The following JADE1 variants were observed in gnomAD, a reference collection of about 807,000 sequenced individuals.
JADE1 encodes jade family PHD finger 1.
Under a neutral mutation model 81.8 loss-of-function variants are expected in JADE1, and 14 were observed. The observed-to-expected ratio is 0.17, with a 90% CI of 0.11 to 0.27. The LOEUF is 0.27. Ranked by LOEUF, JADE1 falls within the 10% of genes least tolerant of loss-of-function variation. JADE1 has a pLI of 1.00. For missense variants in JADE1, 690 were observed against 1,047.9 expected, an observed-to-expected ratio of 0.66 and a Z score of 4.71; for synonymous variants, 353 against 391.9, an observed-to-expected ratio of 0.90 and a Z score of 1.17.
chr4:128,864,795 T>A (rs1333593923), intron 9 of JADE1: 2 of 178,076 alleles, frequency 1.1e-5, no homozygotes, highest in Non-Finnish European at 2.2e-5. Flanking sequence ...AACTGAGTAA[T>A]TATGGTGACT....
chr4:128,820,180 T>C lies in JADE1; in HGVS notation c.-27+10303T>C, dbSNP rs533718270. The stretch of plus-strand genomic sequence containing the variant: ...AGGTTGGAGTGCAGTGGCATGATCT[T>C]GGCTCACTGCAACCTCCATCTCCTG... On this transcript the variant is annotated intron_variant, in intron 1 of 10. Transcript: ENST00000226319. 1.9e-3 allele frequency among the ~76,000 whole-genome samples: 282 copies of C among 152,194 alleles called. 1 individual carries two copies. Among genetic ancestry groups the C allele is most frequent in the Non-Finnish European group, 3.2e-3 (215 of 67,996 alleles).
At chr4:128,831,427 C>T (rs1006194263) in intron 1 of JADE1, 15 of 326,846 alleles carry the variant, frequency 4.6e-5, no homozygotes, top group Non-Finnish European at 4.0e-5. Flanking sequence ...TGCTTGCTGC[C>T]AGTCAGCTAA....
rs1158035463 is a variant in JADE1 at position 128,874,971 on chromosome 4, T to C, written c.*2709T>C. On this transcript the variant is annotated 3_prime_UTR_variant, in exon 11 of 11. Transcript: ENST00000226319. Reference sequence around the variant, plus strand: ...ACCTTGTACAGAGGATTTTTCACTATGTGCCTAGCTTGGTGTCCATTCAGC... The same window carrying C: ...ACCTTGTACAGAGGATTTTTCACTACGTGCCTAGCTTGGTGTCCATTCAGC... 2.0e-5 allele frequency: 3 copies of C among 152,060 alleles called. No individual in the cohort carries two copies. Among genetic ancestry groups the C allele is most frequent in the African/African-American group, 7.3e-5 (3 of 41,222 alleles). 9.4% of individuals were successfully genotyped at this position (152,060 alleles called of 1,614,324 possible).
chr4:128,834,222 C>T (rs1728787268), intron 2 of JADE1, among the ~76,000 whole-genome samples: 2 of 152,312 alleles, frequency 1.3e-5, no homozygotes, highest in Middle Eastern at 3.4e-3. Context: ...TCTCACAGTT[C>T]TGGAGACTGG....
At chr4:128,813,089 G>A (rs1027556084) in intron 1 of JADE1, among the ~76,000 whole-genome samples, 7 of 152,202 alleles carry the variant, frequency 4.6e-5, no homozygotes, top group African/African-American at 1.7e-4. Context: ...AAGATAGAGG[G>A]AAATTATTTC....
intron 6 of JADE1, among the ~76,000 whole-genome samples, chr4:128,854,146 TGTTATCA>T (rs941968355): frequency 2.5e-4 from 38 of 152,280 alleles, no homozygotes; most frequent in African/African-American, 8.7e-4. Flanking sequence ...TCAACCCCTG[TGTTATCA>T]GTGAGTTAAC....
intron 1 of JADE1, among the ~76,000 whole-genome samples, chr4:128,822,830 T>A (rs1454979745): frequency 1.3e-5 from 2 of 152,244 alleles, no homozygotes; most frequent in East Asian, 1.9e-4. Context: ...ATGACCACTA[T>A]GAACATTTAT....
Position 128,872,310 on chromosome 4 carries a change from C to T in JADE1, c.*48C>T. ...CCCTTTGGGCTCGTCATTGGGTTTG[C>T]TAGAGGAGAGCTCTGATGTGGGGGA... is the stretch of plus-strand genomic sequence containing the variant. On this transcript the variant is annotated 3_prime_UTR_variant, in exon 11 of 11. Transcript: ENST00000226319. 6.5e-7 allele frequency: 1 copy of T among 1,536,144 alleles called. No individual in the cohort carries two copies. The highest frequency in any genetic ancestry group is 8.9e-7 in the Non-Finnish European group (1 of 1,121,550).
At position 128,873,273 on chromosome 4, in the gene JADE1, G is replaced by GAAAAAAAAAAAAAAAAAAAAAAAAAAAAA. The variant is rs1553953485; in HGVS notation, c.*1018_*1019insAAAAAAAAAAAAAAAAAAAAAAAAAAAAA. ...AGAAAAAGGAAAAAAAAAAAAAAAAGAAAAAAAGAAAAAAAAAAGAAAAAA... is the reference window on the plus strand; with the variant it reads ...AGAAAAAGGAAAAAAAAAAAAAAAAGAAAAAAAAAAAAAAAAAAAAAAAAAAAAAAAAAAAAGAAAAAAAAAAGAAAAAA... On this transcript the variant is annotated 3_prime_UTR_variant, in exon 11 of 11. Transcript: ENST00000226319. The GAAAAAAAAAAAAAAAAAAAAAAAAAAAAA allele has an allele frequency of 2.5e-5, 2 of 78,636 alleles. No homozygotes were observed. Among genetic ancestry groups the GAAAAAAAAAAAAAAAAAAAAAAAAAAAAA allele is most frequent in the Non-Finnish European group, 5.4e-5 (2 of 37,274 alleles). The allele number at this position is 78,636 out of a possible 1,614,324, so 4.9% of individuals were successfully genotyped here.
rs1167796876 is a variant in JADE1 at position 128,873,493 on chromosome 4, ATTAAG to A, written c.*1235_*1239del. The A allele has an allele frequency of 5.2e-5, 8 of 152,640 alleles. No individual in the cohort carries two copies. Among genetic ancestry groups the A allele is most frequent in the Admixed American group, 6.5e-5 (1 of 15,276 alleles). 9.5% of individuals were successfully genotyped at this position (152,640 alleles called of 1,614,324 possible). On this transcript the variant is annotated 3_prime_UTR_variant, in exon 11 of 11. Transcript: ENST00000226319. ...TTTCTAATTGCAAATGGCAATAACT[ATTAAG>A]TTATCAGCAATAATAAATTTAGCAT...
rs1732437845 is a variant in JADE1 at position 128,874,625 on chromosome 4, G to A, written c.*2363G>A. 1 of 152,522 alleles carries A rather than the reference G, an allele frequency of 6.6e-6. No homozygotes were observed. The highest frequency in any genetic ancestry group is 6.6e-5 in the Admixed American group (1 of 15,258). 9.4% of individuals were successfully genotyped at this position (152,522 alleles called of 1,614,324 possible). ...TCTCTGACAGTATAATGATAGCTTT[G>A]TGAGTTAGTTTCATGTCATGCTGGG... On this transcript the variant is annotated 3_prime_UTR_variant, in exon 11 of 11. Coordinates refer to ENST00000226319, the MANE Select transcript of JADE1 (RefSeq NM_199320.4).
chr4:128,841,755 G>A (rs1729455034), intron 2 of JADE1, among the ~76,000 whole-genome samples: 3 of 152,148 alleles, frequency 2.0e-5, no homozygotes, highest in Admixed American at 2.0e-4. Flanking sequence ...GAGCACCCCC[G>A]GGGAGAATAT....
chr4:128,865,808 T>A (rs891083632), intron 9 of JADE1, among the ~76,000 whole-genome samples: 7 of 152,222 alleles, frequency 4.6e-5, no homozygotes, highest in African/African-American at 1.7e-4. Context: ...TTGAATAATA[T>A]ACAAAGTTCA....
intron 6 of JADE1, among the ~76,000 whole-genome samples, chr4:128,854,192 T>C (rs544543959): frequency 1.3e-5 from 2 of 152,186 alleles, no homozygotes; most frequent in African/African-American, 4.8e-5. Context: ...GTGCAAGCTC[T>C]CACGGTGGAC....
At chr4:128,818,722 A>G (rs1165820141) in intron 1 of JADE1, among the ~76,000 whole-genome samples, 1 of 152,234 alleles carries the variant, frequency 6.6e-6, no homozygotes, top group African/African-American at 2.4e-5. Flanking sequence ...TTATGGATAT[A>G]GAAATGTAAA....
In JADE1 at chr4:128,846,530, C is replaced by A; in HGVS notation, c.294C>A (p.Ala98=). 1 of 1,614,002 alleles carries A rather than the reference C, an allele frequency of 6.2e-7. No individual in the cohort carries two copies. Among genetic ancestry groups the A allele is most frequent in the Non-Finnish European group, 8.5e-7 (1 of 1,179,990 alleles). Residue 98 remains alanine, a splice_region_variant and synonymous_variant, in exon 4 of 11, where the codon GCC becomes GCA. Transcript: ENST00000226319. This position sits in a 1 kb window ranked among gnomAD's most constrained non-coding sequence, Gnocchi z 4.0. The stretch of plus-strand genomic sequence containing the variant: ...CGGGGACCATCCCTCAGCCTGTGGC[C>A]AGGTAGAGATGCCCTGAGGACAGAA... ...VSPGTIPQPV[A]RVVSEEKSLM... is the part of the protein sequence containing the mutation.
At chr4:128,840,574 G>A (rs1210857083) in intron 2 of JADE1, among the ~76,000 whole-genome samples, 1 of 152,124 alleles carries the variant, frequency 6.6e-6, no homozygotes, top group African/African-American at 2.4e-5. Flanking sequence ...TGGACCGGCT[G>A]GAGGATGGCC....
intron 2 of JADE1, among the ~76,000 whole-genome samples, chr4:128,836,548 C>A (rs373508195): frequency 6.6e-6 from 1 of 152,020 alleles, no homozygotes; most frequent in Non-Finnish European, 1.5e-5. Flanking sequence ...AGAAAATTCT[C>A]ACGTAAGTGA....
chr4:128,824,631 A>G (rs1203206619), intron 1 of JADE1, among the ~76,000 whole-genome samples: 1 of 152,246 alleles, frequency 6.6e-6, no homozygotes, highest in African/African-American at 2.4e-5. Context: ...AGCATCTCAA[A>G]TTCAATAAAG....
Sources: gnomAD v4.1 joint callset for allele counts (sites outside exome capture counted in the v4.1 genomes callset) on GRCh38, gnomAD v4.1.1 for gene constraint, Gnocchi (gnomAD v3.1) non-coding constraint, MANE v1.5 for transcripts, NCBI Gene and HGNC (gene_info 2026-07-23, HGNC 2026-07-21) for gene names.